The following PTCD3 variants were observed in gnomAD, a reference collection of about 807,000 sequenced individuals.
The protein encoded by PTCD3 is small ribosomal subunit protein mS39.
In PTCD3, 89 loss-of-function variants were observed where a neutral mutation model predicts 101.9. That is an observed-to-expected ratio of 0.87 (90% CI 0.74 to 1.04). The LOEUF is 1.04. PTCD3 is among the 50% of genes least tolerant of loss of function. The pLI, the probability that PTCD3 is intolerant of heterozygous loss-of-function variation, is 0.00. For synonymous variants in PTCD3, 296 were observed against 278.5 expected, an observed-to-expected ratio of 1.06 and a Z score of -0.63; for missense variants, 870 against 828.2, an observed-to-expected ratio of 1.05 and a Z score of -0.62.
intron 16 of PTCD3, 63 bp downstream of exon 16, chr2:86,131,169 TCTC>T (rs1553441876): frequency 4.8e-6 from 6 of 1,241,184 alleles, no homozygotes; most frequent in Non-Finnish European, 5.7e-6. Flanking sequence ...ACTGGAGGGT[TCTC>T]CCTGGTTCTT....
In PTCD3 at chr2:86,123,793, AC is replaced by A. The variant is rs776070448; in HGVS notation, c.716+32del. On this transcript the variant is annotated intron_variant, in intron 9 of 23. Transcript: ENST00000254630. Reference sequence around the variant, plus strand: ...TCACACGTAATTAGAACCTTGAATTACAGTGTCTTACAGTGCATGGAATATG... The same window carrying A: ...TCACACGTAATTAGAACCTTGAATTAAGTGTCTTACAGTGCATGGAATATG... The A allele has an allele frequency of 7.0e-6, 10 of 1,438,562 alleles. No individual in the cohort carries two copies. The East Asian group carries it at 2.3e-4, about 33-fold the overall frequency. 89.1% of individuals were successfully genotyped at this position (1,438,562 alleles called of 1,614,324 possible).
chr2:86,109,181 G>A (rs890352845), intron 3 of PTCD3, among the ~76,000 whole-genome samples: 3 of 152,232 alleles, frequency 2.0e-5, no homozygotes, highest in East Asian at 1.9e-4. Context: ...CGAGGCGGGC[G>A]GATGATGAGG....
chr2:86,139,678 C>G lies in PTCD3; in HGVS notation c.*2119C>G, dbSNP rs1032004452. 3.9e-5 allele frequency: 6 copies of G among 152,098 alleles called. No individual in the cohort carries two copies. Among genetic ancestry groups the G allele is most frequent in the African/African-American group, 1.5e-4 (6 of 41,368 alleles). 9.4% of individuals were successfully genotyped at this position (152,098 alleles called of 1,614,324 possible). A position where few individuals can be genotyped will look rare whatever the true frequency, so the allele number is the denominator to read the frequency against. On this transcript the variant is annotated 3_prime_UTR_variant, in exon 24 of 24. Transcript: ENST00000254630. ...ATTAGTTGGGCGTAGTGGTGCATGC[C>G]TGTAATCCCAGCTACTCTGGAGACA...
rs932763007 is a variant in PTCD3, at chr2:86,138,550, T to G, written c.*991T>G. The G allele has an allele frequency of 1.3e-5, 2 of 152,168 alleles. No individual in the cohort carries two copies. Among genetic ancestry groups the G allele is most frequent in the Non-Finnish European group, 2.9e-5 (2 of 68,026 alleles). The allele number at this position is 152,168 out of a possible 1,614,324, so 9.4% of individuals were successfully genotyped here. A position where few individuals can be genotyped will look rare whatever the true frequency, so the allele number is the denominator to read the frequency against. ...CAATTATGGGATACTCTAGTCTACT[T>G]ATACTTGTGTTCCCATCTGTCTGCC... is the stretch of plus-strand genomic sequence containing the variant. On this transcript the variant is annotated 3_prime_UTR_variant, in exon 24 of 24. Transcript: ENST00000254630.
chr2:86,112,681 C>CAA (rs397953846), intron 4 of PTCD3, among the ~76,000 whole-genome samples: 3,691 of 81,046 alleles, frequency 0.046, 180 homozygotes, highest in East Asian at 0.18. Flanking sequence ...GACTCTGTCT[C>CAA]AAAAAAAAAA....
At chr2:86,107,980 G>C (rs1673994782) in intron 1 of PTCD3, among the ~76,000 whole-genome samples, 1 of 152,120 alleles carries the variant, frequency 6.6e-6, no homozygotes, top group Non-Finnish European at 1.5e-5. Flanking sequence ...CTTTTGTCTA[G>C]CCGGGCATGG....
Position 86,134,876 on chromosome 2 carries a change from A to T in PTCD3, c.1667A>T (p.Lys556Ile), listed in dbSNP as rs760441055. The T allele has an allele frequency of 1.2e-6, 2 of 1,614,154 alleles. No individual in the cohort carries two copies. Among genetic ancestry groups the T allele is most frequent in the Admixed American group, 3.3e-5 (2 of 60,022 alleles). The change falls in exon 21 of 24, where the codon AAA becomes ATA. Residue 556 changes from lysine to isoleucine, a missense_variant. Coordinates refer to ENST00000254630, the MANE Select transcript of PTCD3 (RefSeq NM_017952.6). Reference protein sequence around the residue: ...VAFADCAADIKSAYESQPIRQ... With the variant: ...VAFADCAADIISAYESQPIRQ... The stretch of plus-strand genomic sequence containing the variant: ...TTTGCTGACTGTGCTGCTGATATCA[A>T]ATCTGCGTATGAAAGCCAACCCATC...
chr2:86,123,885 T>A, intron 9 of PTCD3, 123 bp downstream of exon 9: 1 of 643,724 alleles, frequency 1.6e-6, no homozygotes, highest in Non-Finnish European at 2.4e-6. Context: ...TTGTGCAATA[T>A]AAATTTCACT....
At chr2:86,109,891 C>T (rs1354362629) in intron 3 of PTCD3, among the ~76,000 whole-genome samples, 1 of 152,136 alleles carries the variant, frequency 6.6e-6, no homozygotes, top group Non-Finnish European at 1.5e-5. Context: ...TAGACACATG[C>T]AGAATGACAG....
chr2:86,121,368 G>T, intron 7 of PTCD3, 111 bp from the exon 8 acceptor site: 1 of 628,218 alleles, frequency 1.6e-6, no homozygotes, highest in South Asian at 2.1e-5. Context: ...AACATTAAGT[G>T]TGTAGCCCTG....
rs778190022 is a variant in PTCD3 at position 86,106,358 on chromosome 2, G to T, written c.104+7G>T. 1 of 1,612,526 alleles carries T rather than the reference G, an allele frequency of 6.2e-7. No homozygotes were observed. The highest frequency in any genetic ancestry group is 8.5e-7 in the Non-Finnish European group (1 of 1,179,124). ...AACAGGCACGCAGCTGCAGGTAAGA[G>T]ACGCTTAGGGTATCCGCGAAGAAGA... is the stretch of plus-strand genomic sequence containing the variant. On this transcript the variant is annotated splice_region_variant and intron_variant, in intron 1 of 23. Transcript: ENST00000254630.
In PTCD3 at chr2:86,138,046, A is replaced by G. The variant is rs1028561844; in HGVS notation, c.*487A>G. 1 of 159,154 alleles carries G rather than the reference A, an allele frequency of 6.3e-6. No individual in the cohort carries two copies. The highest frequency in any genetic ancestry group is 2.4e-5 in the African/African-American group (1 of 41,682). The allele number at this position is 159,154 out of a possible 1,614,324, so 9.9% of individuals were successfully genotyped here. A position where few individuals can be genotyped will look rare whatever the true frequency, so the allele number is the denominator to read the frequency against. ...ATTTCAGGATATTTCGATGTCAGAA[A>G]TAACGCATCTTAGGAATGACTAAAC... On this transcript the variant is annotated 3_prime_UTR_variant, in exon 24 of 24. Transcript: ENST00000254630.
At chr2:86,111,444 C>T (rs1268297757) in intron 4 of PTCD3, among the ~76,000 whole-genome samples, 3 of 151,918 alleles carry the variant, frequency 2.0e-5, no homozygotes, top group African/African-American at 4.8e-5. Flanking sequence ...AAAAATTAGC[C>T]AGGCGTGGTG....
chr2:86,123,117 C>T (rs1438084306), intron 8 of PTCD3, among the ~76,000 whole-genome samples: 2 of 152,130 alleles, frequency 1.3e-5, no homozygotes, highest in Admixed American at 6.5e-5. Context: ...AAAAAATTAG[C>T]TGGGCGTGGT....
chr2:86,131,121 T>A lies in PTCD3; in HGVS notation c.1266+15T>A. On this transcript the variant is annotated intron_variant, in intron 16 of 23. Transcript: ENST00000254630. ...CCATGAGCATAGTAAGTATCATTTC[T>A]TTATTAATTTGCTATCCATTTCCTA... 6.3e-7 allele frequency: 1 copy of A among 1,577,172 alleles called. No homozygotes were observed. The highest frequency in any genetic ancestry group is 1.2e-5 in the South Asian group (1 of 85,752).
intron 21 of PTCD3, 140 bp from the exon 22 acceptor site, chr2:86,136,381 C>A: frequency 1.2e-6 from 1 of 809,066 alleles, no homozygotes; most frequent in East Asian, 2.6e-5. Flanking sequence ...TAGTAGAGCC[C>A]ACAGATGTGT....
intron 22 of PTCD3, 123 bp from the exon 23 acceptor site, chr2:86,136,859 G>C: frequency 7.9e-7 from 1 of 1,259,212 alleles, no homozygotes; most frequent in South Asian, 1.4e-5. Context: ...ATAAATGTTA[G>C]ACTTCATCTT....
intron 4 of PTCD3, chr2:86,111,660 A>G (rs1674086251): frequency 6.1e-6 from 1 of 163,594 alleles, no homozygotes; most frequent in Admixed American, 5.7e-5. Context: ...TTTGGAGGCC[A>G]AAGTAGGAAG....
intron 15 of PTCD3, 60 bp from the exon 16 acceptor site, chr2:86,131,018 C>A: frequency 6.5e-7 from 1 of 1,534,502 alleles, no homozygotes; most frequent in Non-Finnish European, 8.9e-7. Flanking sequence ...GTTAATGTTA[C>A]TGACTTGAAA....
Sources: allele counts gnomAD v4.1 joint callset (sites outside exome capture counted in the v4.1 genomes callset), GRCh38; gene constraint gnomAD v4.1.1; transcripts MANE v1.5; gene names NCBI Gene and HGNC (gene_info 2026-07-23, HGNC 2026-07-21).